Variants in POLQ observed in about 807,000 individuals in gnomAD.
POLQ encodes the protein epididymis secretory sperm binding protein.
A neutral mutation model predicts 259.2 loss-of-function variants in POLQ; 233 were observed. That is an observed-to-expected ratio of 0.90 (90% CI 0.81 to 1.00). The LOEUF is 1.00. Ranked by LOEUF, POLQ falls within the 50% of genes least tolerant of loss-of-function variation. The pLI, the probability that POLQ is intolerant of heterozygous loss-of-function variation, is 0.00. For missense variants in POLQ, 2,871 were observed against 3,051.6 expected (o/e 0.94, Z 1.39); for synonymous variants, 1,025 against 1,048.8 (o/e 0.98, Z 0.44).
intron 14 of POLQ, among the ~76,000 whole-genome samples, chr3:121,495,532 T>C (rs1010471272): frequency 7.2e-5 from 11 of 152,042 alleles, no homozygotes; most frequent in African/African-American, 2.4e-4. Flanking sequence ...TCATCTTTGA[T>C]ACCAGTGAGT....
chr3:121,468,236 A>G, intron 23 of POLQ, 69 bp downstream of exon 23: 2 of 1,206,498 alleles, frequency 1.7e-6, no homozygotes, highest in Non-Finnish European at 2.3e-6. Flanking sequence ...TTATTTGTCT[A>G]ATAAGCTATT....
At chr3:121,471,862 T>A (rs756487068) in intron 22 of POLQ, 128 bp downstream of exon 22, 2 of 450,682 alleles carry the variant, frequency 4.4e-6, no homozygotes, top group Non-Finnish European at 7.8e-6. Flanking sequence ...GCATGTATTT[T>A]ATAGTTGTAA....
At chr3:121,475,778 C>T (rs952206220) in intron 20 of POLQ, among the ~76,000 whole-genome samples, 3 of 152,166 alleles carry the variant, frequency 2.0e-5, no homozygotes, top group Non-Finnish European at 2.9e-5. Context: ...AGGCCTGTAG[C>T]TTACATGCTT....
intron 7 of POLQ, among the ~76,000 whole-genome samples, chr3:121,528,531 C>CG (rs1302170632): frequency 1.3e-5 from 2 of 151,730 alleles, no homozygotes; most frequent in East Asian, 3.9e-4. Context: ...TTAGTACAAA[C>CG]GGGGTTTCAC....
chr3:121,469,271 TAAAACATG>T (rs2047864614), intron 22 of POLQ, among the ~76,000 whole-genome samples: 1 of 152,166 alleles, frequency 6.6e-6, no homozygotes, highest in Non-Finnish European at 1.5e-5. Context: ...TGAATTTCTC[TAAAACATG>T]AAAACATGTT....
rs182849303 is a variant in POLQ, at chr3:121,486,428, C to A, written c.5629+874G>T. 2.1e-3 allele frequency among the ~76,000 whole-genome samples: 326 copies of A among 152,206 alleles called. 2 individuals are homozygous for A. The highest frequency in any genetic ancestry group is 7.3e-3 in the African/African-American group (305 of 41,542). ...AATTAGCCAGGCATGATGGCATGCACCTGTAGTCCCAGCTACTCAGGAGGC... is the reference window on the plus strand; with the variant it reads ...AATTAGCCAGGCATGATGGCATGCAACTGTAGTCCCAGCTACTCAGGAGGC... On this transcript the variant is annotated intron_variant, in intron 16 of 29. Transcript: ENST00000264233.
At chr3:121,443,425 G>A (rs937407969) in intron 26 of POLQ, among the ~76,000 whole-genome samples, 1 of 152,108 alleles carries the variant, frequency 6.6e-6, no homozygotes, top group Non-Finnish European at 1.5e-5. Flanking sequence ...TGTCTGTTCA[G>A]AGCTTTTGTC....
intron 19 of POLQ, among the ~76,000 whole-genome samples, chr3:121,481,324 C>T (rs746776619): frequency 1.2e-4 from 19 of 152,188 alleles, no homozygotes; most frequent in Non-Finnish European, 2.5e-4. Flanking sequence ...TATTGGAAGA[C>T]AGCCATTTGT....
Position 121,489,564 on chromosome 3 carries a change from A to T in POLQ, c.3367T>A (p.Ser1123Thr), listed in dbSNP as rs553383065. 58 of 1,613,062 alleles carry T rather than the reference A, an allele frequency of 3.6e-5. 1 individual carries two copies. The South Asian group carries it at 5.8e-4, about 16-fold the overall frequency. Residue 1123 changes from serine to threonine, a missense_variant, in exon 16 of 30, where the codon TCA becomes ACA. Coordinates refer to ENST00000264233, the MANE Select transcript of POLQ (RefSeq NM_199420.4). ...TCATTAGTTAGTGTTATGTTCCATG[A>T]ACAATTTTGCTTTATTTGTAATGGG... ...SFPLQIKQNCSWNITLTNDNF... is the reference protein window; with the variant it reads ...SFPLQIKQNCTWNITLTNDNF...
At chr3:121,472,855 C>A (rs1028389574) in intron 21 of POLQ, among the ~76,000 whole-genome samples, 1 of 152,194 alleles carries the variant, frequency 6.6e-6, no homozygotes, top group African/African-American at 2.4e-5. Context: ...AGCCCCTTCT[C>A]TCTTCCCTCC....
chr3:121,525,283 G>A (rs529809245), intron 7 of POLQ, among the ~76,000 whole-genome samples: 1 of 151,802 alleles, frequency 6.6e-6, no homozygotes, highest in African/African-American at 2.4e-5. Flanking sequence ...GGAGCTTGCA[G>A]TGGGCCAAGA....
Position 121,467,728 on chromosome 3 carries a change from G to A in POLQ, c.6846-88C>T, listed in dbSNP as rs144887700. The A allele has an allele frequency of 5.1e-3, 6,955 of 1,352,532 alleles. 39 individuals carry two copies. The highest frequency in any genetic ancestry group is 5.5e-3 in the Non-Finnish European group (5,370 of 971,024). 83.8% of individuals were successfully genotyped at this position (1,352,532 alleles called of 1,614,324 possible). A position where few individuals can be genotyped will look rare whatever the true frequency, so the allele number is the denominator to read the frequency against. On this transcript the variant is annotated intron_variant, in intron 23 of 29. Coordinates refer to ENST00000264233, the MANE Select transcript of POLQ (RefSeq NM_199420.4). ...GATTTTCAGTAACATCAGTATTTCC[G>A]TCTAAGAAACTTAATAAAAACCTTA...
chr3:121,436,273 A>C lies in POLQ; in HGVS notation c.7392T>G (p.Ala2464=), dbSNP rs774701966. 1 of 1,613,714 alleles carries C rather than the reference A, an allele frequency of 6.2e-7. No homozygotes were observed. Among genetic ancestry groups the C allele is most frequent in the East Asian group, 2.2e-5 (1 of 44,862 alleles). ...CTATTGTGTTGATAGCTTGACGCTCAGCCTAGAAAAAACAATCAACAGGTG... is the reference window on the plus strand; with the variant it reads ...CTATTGTGTTGATAGCTTGACGCTCCGCCTAGAAAAAACAATCAACAGGTG... ...KDNNPYRKAH[A]ERQAINTIVQ... Residue 2464 remains alanine (A), a splice_region_variant and synonymous_variant, in exon 28 of 30, where the codon GCT becomes GCG. Coordinates refer to ENST00000264233, the MANE Select transcript of POLQ (RefSeq NM_199420.4).
intron 19 of POLQ, among the ~76,000 whole-genome samples, chr3:121,479,456 A>T (rs2047954154): frequency 1.3e-5 from 2 of 151,650 alleles, no homozygotes; most frequent in Admixed American, 6.6e-5. Flanking sequence ...ATATATATAT[A>T]TTTTGTTTGT....
At position 121,436,304 on chromosome 3, in the gene POLQ, C is replaced by G. The variant is rs776796435; in HGVS notation, c.7390-29G>C. ...GAAAAAACAATCAACAGGTGCTCCA[C>G]CAGATATGCCAACATGGTTTCATAC... On this transcript the variant is annotated intron_variant, in intron 27 of 29. Coordinates refer to ENST00000264233, the MANE Select transcript of POLQ (RefSeq NM_199420.4). The G allele has an allele frequency of 5.6e-6, 9 of 1,608,484 alleles. No individual in the cohort carries two copies. The South Asian group carries it at 6.6e-5, about 12-fold the overall frequency.
At chr3:121,522,203 G>GT (rs2048341365) in intron 7 of POLQ, 54 bp from the exon 8 acceptor site, 1 of 1,291,754 alleles carries the variant, frequency 7.7e-7, no homozygotes, top group South Asian at 1.4e-5. Context: ...TTCTTTAAGT[G>GT]TATCTGTCTA....
At position 121,519,866 on chromosome 3, in the gene POLQ, C is replaced by T. The variant is rs2048325348; in HGVS notation, c.1468+5G>A. On this transcript the variant is annotated splice_donor_5th_base_variant and intron_variant, in intron 9 of 29. Coordinates refer to ENST00000264233, the MANE Select transcript of POLQ (RefSeq NM_199420.4). ...GCTGCTACAATTAAATTCAAACTCA[C>T]TTACCTACTGTGTCCACTCCTTTCC... 1.4e-6 allele frequency: 2 copies of T among 1,460,944 alleles called. No individual in the cohort carries two copies. The highest frequency in any genetic ancestry group is 1.9e-6 in the Non-Finnish European group (2 of 1,040,496). 90.5% of individuals were successfully genotyped at this position (1,460,944 alleles called of 1,614,324 possible).
At chr3:121,509,915 C>T in intron 11 of POLQ, 124 bp downstream of exon 11, 2 of 898,566 alleles carry the variant, frequency 2.2e-6, no homozygotes, top group Non-Finnish European at 3.5e-6. Context: ...TGAGTTGATA[C>T]ACTGCTCAAA....
At chr3:121,474,044 G>T (rs947093370) in intron 20 of POLQ, among the ~76,000 whole-genome samples, 5 of 152,254 alleles carry the variant, frequency 3.3e-5, no homozygotes, top group African/African-American at 1.2e-4. Flanking sequence ...AAGCAGTCAG[G>T]AACACAGGCA....
Sources: allele counts gnomAD v4.1 joint callset (sites outside exome capture counted in the v4.1 genomes callset), GRCh38; gene constraint gnomAD v4.1.1; transcripts MANE v1.5; gene names NCBI Gene and HGNC (gene_info 2026-07-23, HGNC 2026-07-21).